Variants in MBD5 observed in about 807,000 individuals in gnomAD.
MBD5 encodes the protein methyl-CpG-binding domain protein 5.
A neutral mutation model predicts 117.3 loss-of-function variants in MBD5; 13 were observed. The observed-to-expected ratio is 0.11, with a 90% CI of 0.07 to 0.18. The LOEUF (loss-of-function observed/expected upper bound fraction) is 0.18. Among genes scored for constraint, MBD5 ranks in the 10% least tolerant of loss-of-function variants. The pLI, the probability that MBD5 is intolerant of heterozygous loss-of-function variation, is 1.00. For missense variants in MBD5, 1,879 were observed against 2,093.8 expected (o/e 0.90, Z 2.00); for synonymous variants, 727 against 766.4 (o/e 0.95, Z 0.85).
At chr2:148,335,111 G>A (rs896282012) in intron 3 of MBD5, among the ~76,000 whole-genome samples, 4 of 152,082 alleles carry the variant, frequency 2.6e-5, no homozygotes, top group Middle Eastern at 3.4e-3. Flanking sequence ...GCAACTGACC[G>A]GGTGCAGTAG....
intron 4 of MBD5, among the ~76,000 whole-genome samples, chr2:148,412,330 T>C (rs935548179): frequency 5.3e-5 from 8 of 150,610 alleles, no homozygotes; most frequent in African/African-American, 2.0e-4. Flanking sequence ...TATATGTATA[T>C]ATATAGAGAG....
At chr2:148,184,197 G>C (rs1698596849) in intron 2 of MBD5, among the ~76,000 whole-genome samples, 1 of 151,952 alleles carries the variant, frequency 6.6e-6, no homozygotes, top group Admixed American at 6.5e-5. Flanking sequence ...TTTTTTGATA[G>C]AGATGGGGTT....
chr2:148,108,413 T>A (rs1385590169), intron 1 of MBD5, among the ~76,000 whole-genome samples: 1 of 152,132 alleles, frequency 6.6e-6, no homozygotes, highest in African/African-American at 2.4e-5. Context: ...GCTCTATAAA[T>A]GTTTGCTACT....
intron 4 of MBD5, among the ~76,000 whole-genome samples, chr2:148,376,789 T>C (rs1032661625): frequency 7.4e-6 from 1 of 135,920 alleles, no homozygotes; most frequent in Non-Finnish European, 1.5e-5. Context: ...ATAATTTATA[T>C]ATATAATTTT....
chr2:148,442,802 G>A (rs992631782), intron 4 of MBD5, among the ~76,000 whole-genome samples: 3 of 151,382 alleles, frequency 2.0e-5, no homozygotes, highest in Non-Finnish European at 2.9e-5. Flanking sequence ...ACTACTACAA[G>A]AAAACATTGG....
At chr2:148,165,579 T>C (rs1698109061) in intron 1 of MBD5, among the ~76,000 whole-genome samples, 2 of 152,104 alleles carry the variant, frequency 1.3e-5, no homozygotes, top group Non-Finnish European at 2.9e-5. Context: ...ATTTGATTTT[T>C]CTGGAAAGTG....
At chr2:148,424,168 A>C (rs1705698649) in intron 4 of MBD5, among the ~76,000 whole-genome samples, 1 of 113,528 alleles carries the variant, frequency 8.8e-6, no homozygotes, top group African/African-American at 3.4e-5. Flanking sequence ...ACAGAGCAAG[A>C]CTCTGTCTCA....
chr2:148,205,712 T>C (rs1049334150), intron 2 of MBD5, among the ~76,000 whole-genome samples: 8 of 152,128 alleles, frequency 5.3e-5, no homozygotes, highest in Non-Finnish European at 1.0e-4. Context: ...ACAGTACCAA[T>C]GATATTTTTG....
At chr2:148,447,317 T>TACTCG (rs1187223336) in intron 4 of MBD5, among the ~76,000 whole-genome samples, 1 of 152,044 alleles carries the variant, frequency 6.6e-6, no homozygotes, top group Non-Finnish European at 1.5e-5. Context: ...ACCCTTTACC[T>TACTCG]ACTCTAAGTC....
At chr2:148,345,583 G>A (rs1331229094) in intron 4 of MBD5, among the ~76,000 whole-genome samples, 2 of 71,720 alleles carry the variant, frequency 2.8e-5, no homozygotes, top group South Asian at 8.7e-4. Context: ...ACATACATAT[G>A]TATATACACG....
At chr2:148,029,496 C>T (rs1296423994) in intron 1 of MBD5, among the ~76,000 whole-genome samples, 2 of 152,104 alleles carry the variant, frequency 1.3e-5, no homozygotes, top group African/African-American at 2.4e-5. Flanking sequence ...GAGTCTAGTC[C>T]CACATAACAC....
In MBD5 at chr2:148,418,002, A is replaced by G. The variant is rs1051214470; in HGVS notation, c.-556-40201A>G. 4.6e-5 allele frequency among the ~76,000 whole-genome samples: 7 copies of G among 151,714 alleles called. No homozygotes were observed. The East Asian group carries it at 1.4e-3, about 30-fold the overall frequency. On this transcript the variant is annotated intron_variant, in intron 4 of 13. Transcript: ENST00000642680. ...CTACAGGCACCCACCACCACGTGCA[A>G]CTAATTTCTTTATTTTCTGTGAAGA...
At chr2:148,266,182 A>G (rs886419628) in intron 3 of MBD5, among the ~76,000 whole-genome samples, 1 of 152,162 alleles carries the variant, frequency 6.6e-6, no homozygotes, top group Non-Finnish European at 1.5e-5. Context: ...TTGTGTTGGT[A>G]TCTCCTGACC....
At chr2:148,273,524 A>G (rs1033737982) in intron 3 of MBD5, among the ~76,000 whole-genome samples, 2 of 152,038 alleles carry the variant, frequency 1.3e-5, no homozygotes, top group African/African-American at 2.4e-5. Flanking sequence ...AGTAACCCCT[A>G]CCAAGAAACT....
At chr2:148,413,206 G>A (rs559520088) in intron 4 of MBD5, among the ~76,000 whole-genome samples, 33 of 152,150 alleles carry the variant, frequency 2.2e-4, no homozygotes, top group African/African-American at 4.8e-4. Context: ...CCTATTCTGC[G>A]TCTATTAAGA....
intron 2 of MBD5, among the ~76,000 whole-genome samples, chr2:148,223,149 A>G (rs1233832168): frequency 1.3e-5 from 2 of 152,000 alleles, no homozygotes; most frequent in Non-Finnish European, 2.9e-5. Flanking sequence ...TTTCTAATGT[A>G]CTGTTGAATT....
chr2:148,408,924 G>C (rs1057265075), intron 4 of MBD5, among the ~76,000 whole-genome samples: 1 of 152,018 alleles, frequency 6.6e-6, no homozygotes, highest in Non-Finnish European at 1.5e-5. Context: ...ATCTAGAGAT[G>C]ATTTAAAGGA....
intron 4 of MBD5, among the ~76,000 whole-genome samples, chr2:148,448,892 G>A (rs1706644509): frequency 6.6e-6 from 1 of 151,986 alleles, no homozygotes; most frequent in African/African-American, 2.4e-5. Context: ...CCTTGTTGGT[G>A]TACTCTTAAA....
chr2:148,047,692 T>C (rs556239490), intron 1 of MBD5, among the ~76,000 whole-genome samples: 1 of 152,310 alleles, frequency 6.6e-6, no homozygotes, highest in South Asian at 2.1e-4. Context: ...ATCTAGAGTA[T>C]TCATTTAATG....
Sources: allele counts gnomAD v4.1 joint callset (sites outside exome capture counted in the v4.1 genomes callset), GRCh38; gene constraint gnomAD v4.1.1; transcripts MANE v1.5; gene names NCBI Gene and HGNC (gene_info 2026-07-23, HGNC 2026-07-21).